Variants in SPG11 observed in about 807,000 individuals in gnomAD.
The protein encoded by SPG11 is spatacsin.
In SPG11, 222 loss-of-function variants were observed where a neutral mutation model predicts 274.0. The ratio of observed to expected loss-of-function variants is 0.81; its 90% confidence interval spans 0.73 to 0.91. The LOEUF (loss-of-function observed/expected upper bound fraction) is 0.91, where lower values mean the gene tolerates loss of function less well. SPG11 is among the 40% of genes least tolerant of loss of function. The probability of loss-of-function intolerance (pLI) is 0.00; values close to 1 mark genes in which losing one functional copy is unlikely to be tolerated. For synonymous variants in SPG11, 1,144 were observed against 1,039.7 expected (o/e 1.10, Z -1.93); for missense variants, 3,114 against 2,872.7 (o/e 1.08, Z -1.92).
intron 30 of SPG11, among the ~76,000 whole-genome samples, chr15:44,582,374 C>T (rs548932811): frequency 1.3e-5 from 2 of 152,166 alleles, no homozygotes; most frequent in Admixed American, 1.3e-4. Context: ...ATAGTGGAAC[C>T]CCATCTCTAC....
chr15:44,590,070 G>A (rs1424761256), intron 27 of SPG11, among the ~76,000 whole-genome samples: 1 of 152,214 alleles, frequency 6.6e-6, no homozygotes, highest in Non-Finnish European at 1.5e-5. Flanking sequence ...GCCTCCCAAA[G>A]TGCTGGGATT....
At chr15:44,604,134 T>C (rs1055188014) in intron 20 of SPG11, 4 of 448,066 alleles carry the variant, frequency 8.9e-6, no homozygotes, top group Non-Finnish European at 4.5e-6. Context: ...TCAAAGCTTA[T>C]TTCTGAAATA....
rs1485815455 is a variant in SPG11 at position 44,596,233 on chromosome 15, G to C, written c.4284C>G (p.Pro1428=). The C allele has an allele frequency of 9.9e-6, 16 of 1,613,986 alleles. No homozygotes were observed. The highest frequency in any genetic ancestry group is 1.4e-5 in the Non-Finnish European group (16 of 1,180,010). Residue 1428 remains proline, a synonymous_variant, in exon 25 of 40, where the codon CCC becomes CCG. Coordinates refer to ENST00000261866, the MANE Select transcript of SPG11 (RefSeq NM_025137.4). ...MDSDQVCNKC[P]QELQGSKQEM... ...CTTGTTTGCTTCCTTGAAGTTCCTG[G>C]GGGCACTTATTGCAGACTTGATCGC... is the stretch of plus-strand genomic sequence containing the variant.
At chr15:44,636,209 C>G (rs974317972) in intron 7 of SPG11, among the ~76,000 whole-genome samples, 2 of 152,006 alleles carry the variant, frequency 1.3e-5, no homozygotes, top group East Asian at 1.9e-4. Flanking sequence ...AAAAACAGGA[C>G]AAACCTAGGG....
chr15:44,606,855 T>TA (rs1310579104), intron 19 of SPG11, among the ~76,000 whole-genome samples: 1 of 152,188 alleles, frequency 6.6e-6, no homozygotes, highest in Non-Finnish European at 1.5e-5. Context: ...AAGAGCAACA[T>TA]GAAACCACTT....
At position 44,611,001 on chromosome 15, in the gene SPG11, CAG is replaced by C; in HGVS notation, c.3146-18_3146-17del. 6.4e-7 allele frequency: 1 copy of C among 1,556,334 alleles called. No individual in the cohort carries two copies. The highest frequency in any genetic ancestry group is 8.7e-7 in the Non-Finnish European group (1 of 1,148,456). The stretch of plus-strand genomic sequence containing the variant: ...AGTTTGGGATCTGGAAAATAAAAGA[CAG>C]TGTTTTTCTCCTTAAGAGGGATAAA... On this transcript the variant is annotated splice_polypyrimidine_tract_variant and intron_variant, in intron 17 of 39. Coordinates refer to ENST00000261866, the MANE Select transcript of SPG11 (RefSeq NM_025137.4).
chr15:44,569,195 AT>A (rs1055296286), intron 35 of SPG11, among the ~76,000 whole-genome samples: 1 of 151,888 alleles, frequency 6.6e-6, no homozygotes, highest in South Asian at 2.1e-4. Context: ...GAAAAAAAAA[AT>A]ATATGGCATC....
intron 19 of SPG11, among the ~76,000 whole-genome samples, chr15:44,607,062 A>C (rs2083339734): frequency 6.6e-6 from 1 of 152,216 alleles, no homozygotes; most frequent in Non-Finnish European, 1.5e-5. Context: ...GTCAGTATAA[A>C]TCCAGAATAC....
chr15:44,634,943 G>A (rs559373976), intron 7 of SPG11, among the ~76,000 whole-genome samples: 1 of 152,234 alleles, frequency 6.6e-6, no homozygotes, highest in South Asian at 2.1e-4. Context: ...TGATGGCCAG[G>A]TGTGGTGGCT....
At chr15:44,563,717 ACTC>A (rs1294180180) in intron 39 of SPG11, among the ~76,000 whole-genome samples, 1 of 150,856 alleles carries the variant, frequency 6.6e-6, no homozygotes, top group African/African-American at 2.4e-5. Flanking sequence ...CAGAGTGTGA[ACTC>A]CTGGGCTCAG....
At chr15:44,596,452 T>A (rs2083041593) in intron 24 of SPG11, 97 bp from the exon 25 acceptor site, 1 of 1,378,796 alleles carries the variant, frequency 7.3e-7, no homozygotes, top group South Asian at 1.2e-5. Flanking sequence ...TTATGCTTTC[T>A]CACCCTGAAC....
At chr15:44,652,516 A>C (rs2084815356) in intron 4 of SPG11, among the ~76,000 whole-genome samples, 1 of 152,188 alleles carries the variant, frequency 6.6e-6, no homozygotes, top group Non-Finnish European at 1.5e-5. Context: ...TTCAGATGTT[A>C]TGCTAAACAC....
intron 28 of SPG11, among the ~76,000 whole-genome samples, chr15:44,586,536 C>G (rs1393888077): frequency 2.0e-5 from 3 of 151,856 alleles, no homozygotes; most frequent in Non-Finnish European, 4.4e-5. Flanking sequence ...CCCAGCTACT[C>G]GAGAGGCTGA....
At chr15:44,648,814 G>A (rs1021527965) in intron 7 of SPG11, 52 bp downstream of exon 7, 2 of 1,572,768 alleles carry the variant, frequency 1.3e-6, no homozygotes, top group Non-Finnish European at 1.8e-6. Context: ...TCGAATAAAA[G>A]TATATAACAC....
intron 4 of SPG11, among the ~76,000 whole-genome samples, chr15:44,653,079 A>T (rs555351218): frequency 4.6e-5 from 7 of 152,306 alleles, no homozygotes; most frequent in Admixed American, 1.3e-4. Context: ...AAAGAAGGCT[A>T]GGGTGGCTAA....
chr15:44,580,217 C>T (rs1180744938), intron 30 of SPG11, among the ~76,000 whole-genome samples: 1 of 152,156 alleles, frequency 6.6e-6, no homozygotes, highest in African/African-American at 2.4e-5. Flanking sequence ...TAATCAACTA[C>T]AGTACAGTAG....
chr15:44,603,594 C>CT (rs1426965072), intron 20 of SPG11, among the ~76,000 whole-genome samples: 2 of 152,124 alleles, frequency 1.3e-5, no homozygotes, highest in Non-Finnish European at 2.9e-5. Context: ...ACAAAAATGT[C>CT]TTTTTTTAGA....
chr15:44,565,941 A>C lies in SPG11; in HGVS notation c.6912T>G (p.Phe2304Leu), dbSNP rs146914461. ...LTKLITLQIH[F>L]LNTGQNTMLI... ...GCATTGTGTTCTGGCCAGTGTTCAG[A>C]AAGTGAATCTGCAGAGTTATCAACT... is the stretch of plus-strand genomic sequence containing the variant. Residue 2304 changes from phenylalanine (F) to leucine (L), a missense_variant, in exon 38 of 40, where the codon TTT becomes TTG. By Grantham distance (22) the Phe-to-Leu change is conservative. Transcript: ENST00000261866. 7 of 1,614,020 alleles carry C rather than the reference A, an allele frequency of 4.3e-6. No individual in the cohort carries two copies. The African/African-American group carries it at 8.0e-5, about 18-fold the overall frequency.
intron 7 of SPG11, among the ~76,000 whole-genome samples, chr15:44,643,139 G>C (rs1479360074): frequency 1.3e-5 from 2 of 152,124 alleles, no homozygotes; most frequent in African/African-American, 4.8e-5. Flanking sequence ...AGAGACATGT[G>C]CACTGTTTAA....
Sources: gnomAD v4.1 joint callset for allele counts (sites outside exome capture counted in the v4.1 genomes callset) on GRCh38, gnomAD v4.1.1 for gene constraint, MANE v1.5 for transcripts, NCBI Gene and HGNC (gene_info 2026-07-23, HGNC 2026-07-21) for gene names.